ESR1: variants seen among roughly 807,000 people sequenced by gnomAD.
ESR1 encodes estrogen receptor 1.
A neutral mutation model predicts 52.7 loss-of-function variants in ESR1; 12 were observed. The observed-to-expected ratio is 0.23, with a 90% CI of 0.15 to 0.37. ESR1 has a LOEUF of 0.37. Ranked by LOEUF, ESR1 falls within the 10% of genes least tolerant of loss-of-function variation. ESR1 has a pLI of 1.00. For missense variants in ESR1, 584 were observed against 779.7 expected (o/e 0.75, Z 2.99); for synonymous variants, 305 against 316.8 (o/e 0.96, Z 0.39).
intron 5 of ESR1, among the ~76,000 whole-genome samples, chr6:152,051,215 C>T (rs557669558): frequency 6.6e-6 from 1 of 152,282 alleles, no homozygotes; most frequent in African/African-American, 2.4e-5. Flanking sequence ...TACTAAGCCC[C>T]ATAATCAGTC....
intron 1 of ESR1, chr6:151,811,260 A>AT (rs1413136560): frequency 6.6e-6 from 1 of 152,168 alleles, no homozygotes; most frequent in Non-Finnish European, 1.5e-5. Context: ...GCAAGCTGAG[A>AT]TTTTGCAAGA....
chr6:152,091,023 C>A (rs547826175), intron 6 of ESR1, among the ~76,000 whole-genome samples: 2 of 152,168 alleles, frequency 1.3e-5, no homozygotes, highest in Non-Finnish European at 2.9e-5. Context: ...TACCTTGTTG[C>A]AATAATATTT....
chr6:151,835,122 G>T (rs1029625125), intron 1 of ESR1, among the ~76,000 whole-genome samples: 3 of 152,064 alleles, frequency 2.0e-5, no homozygotes, highest in African/African-American at 4.8e-5. Flanking sequence ...GAAGAGGAAG[G>T]GTGCTCTAGG....
chr6:151,746,740 C>T (rs1783512376), intron 2 of ESR1, among the ~76,000 whole-genome samples: 6 of 152,170 alleles, frequency 3.9e-5, no homozygotes, highest in Admixed American at 3.9e-4. Context: ...TTTTATATAA[C>T]GAACTGGGAT....
intron 5 of ESR1, among the ~76,000 whole-genome samples, chr6:152,031,879 C>T: frequency 6.6e-6 from 1 of 152,122 alleles, no homozygotes; most frequent in Non-Finnish European, 1.5e-5. Context: ...AACATCGATG[C>T]AAAAATCCTG....
At position 151,793,416 on chromosome 6, in the gene ESR1, A is replaced by AT. The variant is rs1452132679; in HGVS notation, c.-70-14420dup. ...TGCCTAATGCTGTTTTACAGGTAAT[A>AT]TTTTTTTCTAGTAGAAGGAGTACAC... On this transcript the variant is annotated intron_variant, in intron 2 of 2. Transcript: ENST00000404742. 5.3e-5 allele frequency among the ~76,000 whole-genome samples: 8 copies of AT among 152,036 alleles called. No individual in the cohort carries two copies. The East Asian group carries it at 1.4e-3, about 26-fold the overall frequency.
intron 1 of ESR1, among the ~76,000 whole-genome samples, chr6:151,829,319 T>A (rs1383083768): frequency 6.6e-6 from 1 of 152,268 alleles, no homozygotes; most frequent in Non-Finnish European, 1.5e-5. Flanking sequence ...AAAGAATATG[T>A]CAGATATACA....
chr6:151,667,438 A>G (rs578225557), intron 1 of ESR1, among the ~76,000 whole-genome samples: 1 of 152,328 alleles, frequency 6.6e-6, no homozygotes, highest in Admixed American at 6.5e-5. Context: ...TTGACTTTCC[A>G]GACTTCAGGA....
At chr6:151,680,465 A>T (rs1370085710) in intron 1 of ESR1, among the ~76,000 whole-genome samples, 3 of 152,048 alleles carry the variant, frequency 2.0e-5, no homozygotes, top group Admixed American at 2.0e-4. Flanking sequence ...CGACCTCCCA[A>T]AATGCTGGGG....
chr6:151,738,607 C>A (rs934991639), intron 2 of ESR1, among the ~76,000 whole-genome samples: 3 of 152,140 alleles, frequency 2.0e-5, no homozygotes, highest in African/African-American at 4.8e-5. Flanking sequence ...ACATTTCTGT[C>A]AGGGTTTTTA....
At chr6:151,888,610 C>T (rs1794235019) in intron 3 of ESR1, among the ~76,000 whole-genome samples, 1 of 149,566 alleles carries the variant, frequency 6.7e-6, no homozygotes, top group African/African-American at 2.4e-5. Context: ...ATCATGTCAT[C>T]AGCAAACACG....
chr6:151,733,659 C>A (rs1046502375), intron 2 of ESR1, among the ~76,000 whole-genome samples: 1 of 152,168 alleles, frequency 6.6e-6, no homozygotes, highest in African/African-American at 2.4e-5. Flanking sequence ...GAATTTGCGA[C>A]CCTGCCATTT....
intron 2 of ESR1, among the ~76,000 whole-genome samples, chr6:151,789,621 T>G (rs1787335834): frequency 6.6e-6 from 1 of 152,226 alleles, no homozygotes; most frequent in Non-Finnish European, 1.5e-5. Flanking sequence ...GCTTTTACAT[T>G]TGTTTCCCTG....
At position 151,975,684 on chromosome 6, in the gene ESR1, G is replaced by A. The variant is rs1011792078; in HGVS notation, c.1096+31176G>A. 5.9e-5 allele frequency among the ~76,000 whole-genome samples: 9 copies of A among 152,252 alleles called. No individual in the cohort carries two copies. In the South Asian group the frequency reaches 1.9e-3, roughly 32 times the overall value. On this transcript the variant is annotated intron_variant, in intron 4 of 7. Coordinates refer to ENST00000206249, the MANE Select transcript of ESR1 (RefSeq NM_000125.4). Reference sequence around the variant, plus strand: ...CTACACACATTATGGAGAATAATCTGTTTTACTTAAAGTCTACTGATTGTA... The same window carrying A: ...CTACACACATTATGGAGAATAATCTATTTTACTTAAAGTCTACTGATTGTA...
At chr6:151,873,704 A>C (rs1583855879) in intron 2 of ESR1, among the ~76,000 whole-genome samples, 1 of 152,380 alleles carries the variant, frequency 6.6e-6, no homozygotes, top group East Asian at 1.9e-4. Flanking sequence ...TCCTTTGGCC[A>C]AATATGTATA....
At chr6:151,888,524 G>A (rs1794220156) in intron 3 of ESR1, among the ~76,000 whole-genome samples, 1 of 152,040 alleles carries the variant, frequency 6.6e-6, no homozygotes, top group African/African-American at 2.4e-5. Flanking sequence ...TTTCTCTTCT[G>A]AAACTTTACT....
At chr6:151,985,017 T>C (rs577549512) in intron 4 of ESR1, among the ~76,000 whole-genome samples, 1 of 152,212 alleles carries the variant, frequency 6.6e-6, no homozygotes, top group South Asian at 2.1e-4. Flanking sequence ...TCCCGTTTCA[T>C]GGAGTTGATA....
At chr6:151,704,767 T>A (rs1297542355) in intron 2 of ESR1, among the ~76,000 whole-genome samples, 1 of 152,078 alleles carries the variant, frequency 6.6e-6, no homozygotes, top group African/African-American at 2.4e-5. Context: ...GGGGGTTTCA[T>A]TAAACCCACT....
intron 2 of ESR1, among the ~76,000 whole-genome samples, chr6:151,708,177 A>G (rs1399204672): frequency 6.6e-6 from 1 of 152,056 alleles, no homozygotes; most frequent in Non-Finnish European, 1.5e-5. Context: ...TACATAATAT[A>G]TGTGTGTGTG....
Sources: gnomAD v4.1 joint callset for allele counts (sites outside exome capture counted in the v4.1 genomes callset) on GRCh38, gnomAD v4.1.1 for gene constraint, MANE v1.5 for transcripts, NCBI Gene and HGNC (gene_info 2026-07-23, HGNC 2026-07-21) for gene names.